SULT4A1: variants seen among roughly 807,000 people sequenced by gnomAD.
The protein encoded by SULT4A1 is sulfotransferase 4A1.
A neutral mutation model predicts 35.2 loss-of-function variants in SULT4A1; 11 were observed. The observed-to-expected ratio is 0.31, with a 90% CI of 0.20 to 0.52. The LOEUF (loss-of-function observed/expected upper bound fraction) is 0.52, where lower values mean the gene tolerates loss of function less well. SULT4A1 is among the 20% of genes least tolerant of loss of function. SULT4A1 has a pLI of 0.97. For synonymous variants in SULT4A1, 152 were observed against 151.8 expected (o/e 1.00, Z -0.01); for missense variants, 271 against 383.7 (o/e 0.71, Z 2.45).
intron 2 of SULT4A1, among the ~76,000 whole-genome samples, 184 bp from the exon 3 acceptor site, chr22:43,840,209 G>A (rs989656401): frequency 6.6e-6 from 1 of 150,576 alleles, no homozygotes; most frequent in African/African-American, 2.4e-5. Context: ...TAAGAGGGAG[G>A]GGTGAGGCCA....
At chr22:43,857,472 A>G (rs916645962) in intron 1 of SULT4A1, among the ~76,000 whole-genome samples, 2 of 152,168 alleles carry the variant, frequency 1.3e-5, no homozygotes, top group African/African-American at 2.4e-5. Context: ...AATCTAACAT[A>G]TATGTAATTG....
chr22:43,857,018 G>C (rs1019842945), intron 1 of SULT4A1, among the ~76,000 whole-genome samples: 12 of 152,110 alleles, frequency 7.9e-5, no homozygotes, highest in Non-Finnish European at 1.3e-4. Flanking sequence ...TAAGAAGTCT[G>C]ATTAACATGT....
At position 43,828,115 on chromosome 22, in the gene SULT4A1, C is replaced by T. The variant is rs181490629; in HGVS notation, c.742+945G>A. Among the ~76,000 whole-genome samples, 152 of 152,348 alleles carry T rather than the reference C, an allele frequency of 1.0e-3. 1 individual carries two copies. The highest frequency in any genetic ancestry group is 4.9e-4 in the Non-Finnish European group (33 of 68,032). On this transcript the variant is annotated intron_variant, in intron 6 of 6. Transcript: ENST00000330884. The stretch of plus-strand genomic sequence containing the variant: ...AGCAGAGCTGAGCTGGAGCCCAGCG[C>T]GTCTCTCATCCGCCCCAGGCATCTC...
At chr22:43,852,604 A>C (rs1339186499) in intron 1 of SULT4A1, among the ~76,000 whole-genome samples, 1 of 152,016 alleles carries the variant, frequency 6.6e-6, no homozygotes, top group African/African-American at 2.4e-5. Context: ...CACCTCCAAA[A>C]GGAAAAGGAA....
chr22:43,855,301 T>A (rs186112457), intron 1 of SULT4A1, among the ~76,000 whole-genome samples: 1 of 152,236 alleles, frequency 6.6e-6, no homozygotes, highest in East Asian at 1.9e-4. Context: ...GGCAAAGTTG[T>A]GAGGATGGGG....
chr22:43,849,810 C>A (rs1299131000), intron 1 of SULT4A1, among the ~76,000 whole-genome samples: 1 of 152,224 alleles, frequency 6.6e-6, no homozygotes, highest in African/African-American at 2.4e-5. Context: ...CAGAAGGCAG[C>A]CGCCTCACAT....
intron 1 of SULT4A1, among the ~76,000 whole-genome samples, chr22:43,846,241 A>T (rs978178731): frequency 6.6e-6 from 1 of 152,214 alleles, no homozygotes; most frequent in African/African-American, 2.4e-5. Context: ...GCGCCTGCTC[A>T]GATGCCGCTC....
At chr22:43,846,961 C>T (rs116683277) in intron 1 of SULT4A1, among the ~76,000 whole-genome samples, 1 of 152,220 alleles carries the variant, frequency 6.6e-6, no homozygotes, top group Non-Finnish European at 1.5e-5. Flanking sequence ...AGTCTTCTTA[C>T]ATCAATATCG....
chr22:43,830,863 G>T (rs2063320213), intron 5 of SULT4A1, among the ~76,000 whole-genome samples: 1 of 152,184 alleles, frequency 6.6e-6, no homozygotes, highest in Non-Finnish European at 1.5e-5. Context: ...CAGTCCTGGA[G>T]ACAACCATGC....
chr22:43,856,637 G>C (rs1364277705), intron 1 of SULT4A1, among the ~76,000 whole-genome samples: 1 of 152,172 alleles, frequency 6.6e-6, no homozygotes, highest in Non-Finnish European at 1.5e-5. Context: ...TCAGACCTAC[G>C]AGGAAGACCA....
At chr22:43,855,947 G>C (rs982312125) in intron 1 of SULT4A1, among the ~76,000 whole-genome samples, 2 of 152,230 alleles carry the variant, frequency 1.3e-5, no homozygotes, top group African/African-American at 2.4e-5. Context: ...CAGGTGGCGA[G>C]AGGAATTCAG....
Position 43,862,507 on chromosome 22 carries a change from G to C in SULT4A1, c.-125C>G. Reference sequence around the variant, plus strand: ...CCGGCGCGCGGCGGCAGCTCCGCAGGCGTGACGTCATGGCGCCGCCGACGC... The same window carrying C: ...CCGGCGCGCGGCGGCAGCTCCGCAGCCGTGACGTCATGGCGCCGCCGACGC... On this transcript the variant is annotated 5_prime_UTR_variant, in exon 1 of 7. Coordinates refer to ENST00000330884, the MANE Select transcript of SULT4A1 (RefSeq NM_014351.4). The C allele has an allele frequency of 5.6e-6, 5 of 891,186 alleles. No homozygotes were observed. Among genetic ancestry groups the C allele is most frequent in the Non-Finnish European group, 6.7e-6 (5 of 747,062 alleles). The allele number at this position is 891,186 out of a possible 1,614,324, so 55.2% of individuals were successfully genotyped here. A position where few individuals can be genotyped will look rare whatever the true frequency, so the allele number is the denominator to read the frequency against.
chr22:43,850,562 C>G (rs7288078), intron 1 of SULT4A1, among the ~76,000 whole-genome samples: 1 of 152,204 alleles, frequency 6.6e-6, no homozygotes, highest in African/African-American at 2.4e-5. Context: ...GGTGTTCGCT[C>G]GATCCTGTTT....
chr22:43,825,021 A>G lies in SULT4A1; in HGVS notation c.*980T>C, dbSNP rs1179447408. On this transcript the variant is annotated 3_prime_UTR_variant, in exon 7 of 7. Transcript: ENST00000330884. ...CGTGCCAACCTGATCCGAGTGAAAC[A>G]GGGCTACACTCGCAAAATGGTCCTC... 1.3e-5 allele frequency: 2 copies of G among 152,266 alleles called. No homozygotes were observed. Among genetic ancestry groups the G allele is most frequent in the Non-Finnish European group, 2.9e-5 (2 of 68,052 alleles). The allele number at this position is 152,266 out of a possible 1,614,324, so 9.4% of individuals were successfully genotyped here.
chr22:43,859,984 G>C (rs183092955), intron 1 of SULT4A1, among the ~76,000 whole-genome samples: 213 of 152,332 alleles, frequency 1.4e-3, no homozygotes, highest in Middle Eastern at 0.014. Flanking sequence ...CAAGCAGCAC[G>C]GGGTTGTGGG....
At chr22:43,829,354 T>TAAG (rs2063309630) in intron 5 of SULT4A1, among the ~76,000 whole-genome samples, 156 bp from the exon 6 acceptor site, 1 of 152,138 alleles carries the variant, frequency 6.6e-6, no homozygotes, top group South Asian at 2.1e-4. Flanking sequence ...GAAATAACAC[T>TAAG]AAGAGGTTAA....
At chr22:43,843,910 A>G (rs543542403) in intron 1 of SULT4A1, among the ~76,000 whole-genome samples, 29 of 152,344 alleles carry the variant, frequency 1.9e-4, no homozygotes, top group African/African-American at 6.5e-4. Flanking sequence ...TGAGACACAC[A>G]GGCAAAACAA....
intron 2 of SULT4A1, among the ~76,000 whole-genome samples, chr22:43,841,230 C>T (rs2063426016): frequency 1.3e-5 from 2 of 152,136 alleles, no homozygotes; most frequent in Admixed American, 6.5e-5. Flanking sequence ...GGATGGCACT[C>T]TCAGAGCATG....
At chr22:43,853,177 CCACACACATACACCCACACACACTA>C (rs976229470) in intron 1 of SULT4A1, among the ~76,000 whole-genome samples, 18 of 151,852 alleles carry the variant, frequency 1.2e-4, no homozygotes, top group Admixed American at 3.3e-4. Flanking sequence ...TGCACACACA[CCACACACATACACCCACACACACTA>C]CACACACACA....
Sources: gnomAD v4.1 joint callset for allele counts (sites outside exome capture counted in the v4.1 genomes callset) on GRCh38, gnomAD v4.1.1 for gene constraint, MANE v1.5 for transcripts, NCBI Gene and HGNC (gene_info 2026-07-23, HGNC 2026-07-21) for gene names.